The following ZFYVE28 variants were observed in gnomAD, a reference collection of about 807,000 sequenced individuals.
ZFYVE28 encodes the protein zinc finger FYVE-type containing 28, also known as lateral signaling target protein 2 homolog.
In ZFYVE28, 40 loss-of-function variants were observed where a neutral mutation model predicts 82.1. That is an observed-to-expected ratio of 0.49 (90% CI 0.38 to 0.63). The LOEUF (loss-of-function observed/expected upper bound fraction) is 0.63. ZFYVE28 is among the 30% of genes least tolerant of loss of function. The pLI is 0.00. For synonymous variants in ZFYVE28, 612 were observed against 546.1 expected (o/e 1.12, Z -1.68); for missense variants, 1,321 against 1,242.1 (o/e 1.06, Z -0.96).
In ZFYVE28 at chr4:2,298,075, C is replaced by T. The variant is rs534904667; in HGVS notation, c.2051+6214G>A. ...ACACGGCAGGCTGTGCTGTGAGGAA[C>T]GGCAGAGGACGAGTGGTGACAGTGG... On this transcript the variant is annotated intron_variant, in intron 8 of 12. Transcript: ENST00000290974. Among the ~76,000 whole-genome samples the T allele has an allele frequency of 2.7e-4, 39 of 142,892 alleles. 1 individual carries two copies. The highest frequency in any genetic ancestry group is 1.3e-3 in the Admixed American group (18 of 14,112). 93.7% of individuals were successfully genotyped at this position (142,892 alleles called of 152,430 possible).
Position 2,418,178 on chromosome 4 carries a change from C to G in ZFYVE28, c.39+107G>C, listed in dbSNP as rs1176094582. On this transcript the variant is annotated intron_variant, in intron 1 of 12. Transcript: ENST00000290974. The surrounding 1 kb of genome is among the most constrained non-coding windows in gnomAD (Gnocchi z 4.6). ...GGATGTCGGCGGTGGGGGAAGAGGC[C>G]GGCCACGGACAGGGAAAGGGAGTCC... 14 of 1,075,882 alleles carry G rather than the reference C, an allele frequency of 1.3e-5. No homozygotes were observed. The highest frequency in any genetic ancestry group is 4.3e-4 in the Middle Eastern group (2 of 4,692). The allele number at this position is 1,075,882 out of a possible 1,614,324, so 66.6% of individuals were successfully genotyped here.
chr4:2,389,635 T>C (rs1261596871), intron 1 of ZFYVE28, among the ~76,000 whole-genome samples: 1 of 152,200 alleles, frequency 6.6e-6, no homozygotes, highest in Admixed American at 6.5e-5. Flanking sequence ...ATGACAGCCC[T>C]GCGTTGGAAG....
chr4:2,331,733 CCA>C (rs899831394), intron 6 of ZFYVE28, among the ~76,000 whole-genome samples: 2 of 152,096 alleles, frequency 1.3e-5, no homozygotes, highest in African/African-American at 2.4e-5. Context: ...GGGGTGACCC[CCA>C]GTTTTTGTCC....
In ZFYVE28 at chr4:2,417,212, C is replaced by G. The variant is rs547571277; in HGVS notation, c.39+1073G>C. On this transcript the variant is annotated intron_variant, in intron 1 of 12. Coordinates refer to ENST00000290974, the MANE Select transcript of ZFYVE28 (RefSeq NM_020972.3). The surrounding 1 kb of genome is among the most constrained non-coding windows in gnomAD (Gnocchi z 4.8). ...GTCGCCGCGGTGACCCCACCCGAGC[C>G]GTGACCTCCCCCAAGATCTCAGGGC... 6.6e-6 allele frequency among the ~76,000 whole-genome samples: 1 copy of G among 152,280 alleles called. No individual in the cohort carries two copies. The highest frequency in any genetic ancestry group is 1.5e-5 in the Non-Finnish European group (1 of 68,016).
intron 7 of ZFYVE28, among the ~76,000 whole-genome samples, chr4:2,308,823 T>C (rs1322457359): frequency 6.6e-6 from 1 of 152,138 alleles, no homozygotes; most frequent in Non-Finnish European, 1.5e-5. Context: ...GAGACTGCAT[T>C]GAACTCATAG....
In ZFYVE28 at chr4:2,335,800, C is replaced by G. The variant is rs778253645; in HGVS notation, c.612-6G>C. On this transcript the variant is annotated splice_region_variant and splice_polypyrimidine_tract_variant and intron_variant, in intron 5 of 12. Coordinates refer to ENST00000290974, the MANE Select transcript of ZFYVE28 (RefSeq NM_020972.3). This position sits in a 1 kb window ranked among gnomAD's most constrained non-coding sequence, Gnocchi z 5.8. ...GGTACCCGAAGTCCAGGGCCCTGTC[C>G]GGGGAGACGGACAGTGAGCAGCATG... is the stretch of plus-strand genomic sequence containing the variant. 3 of 1,555,580 alleles carry G rather than the reference C, an allele frequency of 1.9e-6. No homozygotes were observed. Among genetic ancestry groups the G allele is most frequent in the South Asian group, 2.4e-5 (2 of 84,368 alleles).
intron 1 of ZFYVE28, among the ~76,000 whole-genome samples, chr4:2,393,094 T>C (rs892780799): frequency 6.6e-6 from 1 of 152,218 alleles, no homozygotes; most frequent in African/African-American, 2.4e-5. Context: ...TTGAGGACGC[T>C]GTCATATTGA....
chr4:2,412,552 C>G (rs1299035559), intron 1 of ZFYVE28, among the ~76,000 whole-genome samples: 1 of 136,706 alleles, frequency 7.3e-6, no homozygotes. Flanking sequence ...AGACACATGA[C>G]CGGCAACCAC....
intron 1 of ZFYVE28, among the ~76,000 whole-genome samples, chr4:2,368,200 A>G (rs1727087297): frequency 2.6e-5 from 2 of 76,784 alleles, no homozygotes; most frequent in Admixed American, 1.4e-4. Context: ...CAACAAAGCA[A>G]CACATCTCTA....
chr4:2,354,376 T>G (rs1377998285), intron 1 of ZFYVE28, among the ~76,000 whole-genome samples: 2 of 150,560 alleles, frequency 1.3e-5, no homozygotes, highest in Non-Finnish European at 3.0e-5. Flanking sequence ...CTCCCTCTGG[T>G]GGAGAGCCCA....
rs371841906 is a variant in ZFYVE28 at position 2,304,719 on chromosome 4, C to T, written c.1621G>A (p.Val541Met). The part of the protein sequence containing the change: ...VATQEAASEP[V>M]AEGMDGGPHK... The stretch of plus-strand genomic sequence containing the variant: ...GGGCCGCCATCCATCCCCTCGGCCA[C>T]GGGCTCCGAGGCGGCCTCCTGGGTG... The change falls in exon 8 of 13, where the codon GTG (valine) becomes ATG (methionine). Residue 541 changes from valine to methionine, a missense_variant. Physicochemically the swap from Val to Met is conservative, Grantham distance 21. Transcript: ENST00000290974. 2.7e-5 allele frequency: 44 copies of T among 1,612,616 alleles called. No individual in the cohort carries two copies. The highest frequency in any genetic ancestry group is 3.1e-5 in the Non-Finnish European group (37 of 1,179,958).
intron 8 of ZFYVE28, among the ~76,000 whole-genome samples, chr4:2,292,454 T>C (rs1560148408): frequency 6.6e-6 from 1 of 152,066 alleles, no homozygotes; most frequent in Non-Finnish European, 1.5e-5. Context: ...TGGTTTGGCA[T>C]GGACAAGGGA....
At chr4:2,305,572 C>T in intron 7 of ZFYVE28, 36 bp from the exon 8 acceptor site, 2 of 1,611,308 alleles carry the variant, frequency 1.2e-6, no homozygotes, top group Non-Finnish European at 8.5e-7. Flanking sequence ...GTGAGGGTCC[C>T]AAAAGCCACA....
At chr4:2,283,543 C>T (rs368830622) in intron 8 of ZFYVE28, among the ~76,000 whole-genome samples, 7 of 151,580 alleles carry the variant, frequency 4.6e-5, no homozygotes, top group African/African-American at 1.7e-4. Flanking sequence ...TCCATCCATC[C>T]ATCCATCCAT....
chr4:2,309,236 T>C (rs115630216), intron 7 of ZFYVE28, among the ~76,000 whole-genome samples: 2,188 of 152,276 alleles, frequency 0.014, 52 homozygotes, highest in African/African-American at 0.051. Flanking sequence ...CCCCTTCCCC[T>C]CCTGCTTCTC....
intron 6 of ZFYVE28, among the ~76,000 whole-genome samples, chr4:2,334,741 CCCCCTTCCCCCT>C (rs1363403028): frequency 2.0e-5 from 1 of 50,058 alleles, no homozygotes; most frequent in Non-Finnish European, 4.3e-5. Context: ...ACTGGACCCT[CCCCCTTCCCCCT>C]CCCCTTCCCC....
chr4:2,383,674 C>CT (rs1467899574), intron 1 of ZFYVE28, among the ~76,000 whole-genome samples: 4 of 152,202 alleles, frequency 2.6e-5, no homozygotes, highest in Non-Finnish European at 4.4e-5. Context: ...GTGTCAAAGC[C>CT]TTGGCACCAT....
rs1732120615 is a variant in ZFYVE28 at position 2,408,124 on chromosome 4, T to G, written c.39+10161A>C. 6.7e-6 allele frequency among the ~76,000 whole-genome samples: 1 copy of G among 148,268 alleles called. No homozygotes were observed. The highest frequency in any genetic ancestry group is 1.5e-5 in the Non-Finnish European group (1 of 66,586). ...TTCCTGGCCCCCTGGCCTCCAGGCC[T>G]CAAGGCCACAGATTCCTGTCTGACC... On this transcript the variant is annotated intron_variant, in intron 1 of 12. Transcript: ENST00000290974. The surrounding 1 kb of genome is among the most constrained non-coding windows in gnomAD (Gnocchi z 4.3).
intron 1 of ZFYVE28, among the ~76,000 whole-genome samples, chr4:2,410,147 G>A (rs992870980): frequency 6.6e-6 from 1 of 152,060 alleles, no homozygotes; most frequent in Non-Finnish European, 1.5e-5. Context: ...CATCTTAGAG[G>A]GTACAATACA....
Sources: allele counts gnomAD v4.1 joint callset (sites outside exome capture counted in the v4.1 genomes callset), GRCh38; gene constraint gnomAD v4.1.1; non-coding constraint Gnocchi (gnomAD v3.1); transcripts MANE v1.5; gene names NCBI Gene and HGNC (gene_info 2026-07-23, HGNC 2026-07-21).